Variants in STAU2 observed in about 807,000 individuals in gnomAD.
The protein encoded by STAU2 is double-stranded RNA-binding protein Staufen homolog 2.
In STAU2, 20 loss-of-function variants were observed where a neutral mutation model predicts 65.9. The ratio of observed to expected loss-of-function variants is 0.30; its 90% CI spans 0.21 to 0.44. The LOEUF is 0.44. STAU2 is among the 20% of genes least tolerant of loss of function. STAU2 has a pLI of 1.00. For synonymous variants in STAU2, 232 were observed against 233.9 expected, an observed-to-expected ratio of 0.99 and a Z score of 0.07; for missense variants, 558 against 683.9, an observed-to-expected ratio of 0.82 and a Z score of 2.05.
chr8:73,468,526 G>A (rs962298137), intron 13 of STAU2, among the ~76,000 whole-genome samples: 2 of 152,214 alleles, frequency 1.3e-5, no homozygotes, highest in Non-Finnish European at 2.9e-5. Flanking sequence ...GCAACCTACA[G>A]AATGGGAGAA....
At chr8:73,604,894 T>C (rs59642272) in intron 9 of STAU2, among the ~76,000 whole-genome samples, 27,918 of 152,032 alleles carry the variant, frequency 0.18, 2,814 homozygotes, top group African/African-American at 0.27. Context: ...CCTACCCCAA[T>C]TAGCCTATTC....
intron 12 of STAU2, among the ~76,000 whole-genome samples, chr8:73,571,604 C>T (rs1401783774): frequency 6.6e-6 from 1 of 152,148 alleles, no homozygotes; most frequent in East Asian, 1.9e-4. Context: ...CACTCAAAAC[C>T]ACACAACTAC....
chr8:73,724,353 A>G (rs1054495897), intron 3 of STAU2, among the ~76,000 whole-genome samples: 2 of 152,074 alleles, frequency 1.3e-5, no homozygotes, highest in East Asian at 3.9e-4. Flanking sequence ...ATCTATCTGT[A>G]TCTATTTGAG....
chr8:73,550,147 C>A (rs1807227674), intron 13 of STAU2: 1 of 985,098 alleles, frequency 1.0e-6, no homozygotes, highest in South Asian at 4.7e-5. Flanking sequence ...CAAAGAAGCA[C>A]AGTAATATTT....
At chr8:73,714,902 T>C (rs1821135311) in intron 3 of STAU2, among the ~76,000 whole-genome samples, 1 of 151,988 alleles carries the variant, frequency 6.6e-6, no homozygotes, top group Non-Finnish European at 1.5e-5. Flanking sequence ...GCCAACATGG[T>C]GAAACCCCGT....
chr8:73,662,044 C>G (rs1032290767), intron 6 of STAU2, among the ~76,000 whole-genome samples: 2 of 152,104 alleles, frequency 1.3e-5, no homozygotes, highest in Non-Finnish European at 2.9e-5. Flanking sequence ...TTTTATATCC[C>G]CAGCAGCAAT....
At position 73,625,704 on chromosome 8, in the gene STAU2, C is replaced by T. The variant is rs144105806; in HGVS notation, c.411-8253G>A. Reference sequence around the variant, plus strand: ...CTTTAAAATAGTTAATCTTGTGTTACGTAAATTTTATTTCAATACAAATCA... The same window carrying T: ...CTTTAAAATAGTTAATCTTGTGTTATGTAAATTTTATTTCAATACAAATCA... On this transcript the variant is annotated intron_variant, in intron 6 of 14. Transcript: ENST00000524300. Among the ~76,000 whole-genome samples, 47 of 152,220 alleles carry T rather than the reference C, an allele frequency of 3.1e-4. 1 individual carries two copies. In the East Asian group the frequency reaches 7.5e-3, roughly 24 times the overall value.
intron 5 of STAU2, 118 bp from the exon 6 acceptor site, chr8:73,673,360 C>G: frequency 1.9e-6 from 2 of 1,028,794 alleles, no homozygotes; most frequent in Non-Finnish European, 2.6e-6. Context: ...GATGGACCAC[C>G]TGTATGATTT....
chr8:73,432,020 A>G (rs997434750), intron 13 of STAU2, among the ~76,000 whole-genome samples: 1 of 152,176 alleles, frequency 6.6e-6, no homozygotes, highest in East Asian at 1.9e-4. Flanking sequence ...TTGATGTCCA[A>G]TGGATCTTTT....
At chr8:73,701,266 T>C (rs562078907) in intron 4 of STAU2, among the ~76,000 whole-genome samples, 66 of 151,986 alleles carry the variant, frequency 4.3e-4, no homozygotes, top group Non-Finnish European at 8.5e-4. Flanking sequence ...AAAGCAACAA[T>C]GGACAAATGG....
At chr8:73,558,923 G>T (rs866841827) in intron 12 of STAU2, among the ~76,000 whole-genome samples, 5 of 152,088 alleles carry the variant, frequency 3.3e-5, no homozygotes, top group South Asian at 2.1e-4. Flanking sequence ...GGCCCACTTT[G>T]CTACAGTGAG....
At chr8:73,581,277 C>T (rs974610857) in intron 12 of STAU2, among the ~76,000 whole-genome samples, 6 of 152,132 alleles carry the variant, frequency 3.9e-5, no homozygotes, top group African/African-American at 1.4e-4. Flanking sequence ...TATTAAAATA[C>T]ATAAAGTTTA....
At chr8:73,710,531 T>C (rs1820821448) in intron 3 of STAU2, among the ~76,000 whole-genome samples, 1 of 152,068 alleles carries the variant, frequency 6.6e-6, no homozygotes. Context: ...ATGAGAGAAA[T>C]AAATCTATCC....
At chr8:73,507,214 C>T (rs1822118812) in intron 13 of STAU2, among the ~76,000 whole-genome samples, 1 of 148,638 alleles carries the variant, frequency 6.7e-6, no homozygotes, top group Admixed American at 6.7e-5. Context: ...TTGTGTAGAT[C>T]CATCAGAGGA....
intron 11 of STAU2, chr8:73,591,005 A>C (rs1173676625): frequency 6.6e-6 from 1 of 152,230 alleles, no homozygotes; most frequent in African/African-American, 2.4e-5. Flanking sequence ...CAGATCTGCT[A>C]AAATAAGTAA....
intron 11 of STAU2, among the ~76,000 whole-genome samples, chr8:73,583,208 T>C (rs925469337): frequency 6.6e-6 from 1 of 151,746 alleles, no homozygotes; most frequent in Non-Finnish European, 1.5e-5. Context: ...ATGTAATGGC[T>C]TGGTCTCAGC....
intron 9 of STAU2, among the ~76,000 whole-genome samples, chr8:73,605,907 AC>A (rs1812001462): frequency 6.8e-6 from 1 of 146,606 alleles, no homozygotes; most frequent in Non-Finnish European, 1.5e-5. Flanking sequence ...ACACACACAC[AC>A]ACACACACAC....
chr8:73,455,539 G>T (rs1819017503), intron 13 of STAU2, among the ~76,000 whole-genome samples: 1 of 152,104 alleles, frequency 6.6e-6, no homozygotes, highest in Non-Finnish European at 1.5e-5. Context: ...GGGCAGTCCA[G>T]AGCAGCCCAA....
chr8:73,438,320 A>G (rs1208194856), intron 13 of STAU2, among the ~76,000 whole-genome samples: 1 of 152,170 alleles, frequency 6.6e-6, no homozygotes, highest in African/African-American at 2.4e-5. Flanking sequence ...CAGCAGGGAG[A>G]CAGGCAGGAC....
Sources: gnomAD v4.1 joint callset for allele counts (sites outside exome capture counted in the v4.1 genomes callset) on GRCh38, gnomAD v4.1.1 for gene constraint, MANE v1.5 for transcripts, NCBI Gene and HGNC (gene_info 2026-07-23, HGNC 2026-07-21) for gene names.